The following ANKRD26 variants were observed in gnomAD, a reference collection of about 807,000 sequenced individuals.
ANKRD26 encodes the protein ankyrin repeat domain 26, also known as ankyrin repeat domain-containing protein 26.
A neutral mutation model predicts 208.7 loss-of-function variants in ANKRD26; 141 were observed. That is an observed-to-expected ratio of 0.68 (90% CI 0.59 to 0.78). The LOEUF is 0.78. Among genes scored for constraint, ANKRD26 ranks in the 30% least tolerant of loss-of-function variants. The pLI, the probability that ANKRD26 is intolerant of heterozygous loss-of-function variation, is 0.00. For synonymous variants in ANKRD26, 636 were observed against 660.4 expected, an observed-to-expected ratio of 0.96 and a Z score of 0.57; for missense variants, 1,889 against 1,938.7, an observed-to-expected ratio of 0.97 and a Z score of 0.48.
At chr10:27,063,541 G>A (rs998004152) in intron 12 of ANKRD26, among the ~76,000 whole-genome samples, 6 of 152,020 alleles carry the variant, frequency 3.9e-5, no homozygotes, top group Non-Finnish European at 7.4e-5. Flanking sequence ...GGCTGGTCTC[G>A]GACTCCTGAC....
chr10:26,978,409 T>C (rs577484804), intron 5 of ANKRD26, among the ~76,000 whole-genome samples: 1 of 152,094 alleles, frequency 6.6e-6, no homozygotes, highest in Admixed American at 6.5e-5. Context: ...TGAGCCAAGA[T>C]CATGCCACTG....
chr10:27,002,477 C>T (rs1001504380), downstream of ANKRD26, among the ~76,000 whole-genome samples: 3 of 152,108 alleles, frequency 2.0e-5, no homozygotes, highest in Non-Finnish European at 4.4e-5. Flanking sequence ...GATGTGCTGA[C>T]GTCATGACAT....
intron 23 of ANKRD26, among the ~76,000 whole-genome samples, chr10:27,036,397 T>TA (rs1195923774): frequency 6.6e-6 from 1 of 152,064 alleles, no homozygotes; most frequent in Non-Finnish European, 1.5e-5. Flanking sequence ...TGACTCTATT[T>TA]ATAGTGTTCT....
At chr10:27,024,650 T>C (rs2053600909) in intron 27 of ANKRD26, 91 bp from the exon 28 acceptor site, 2 of 711,948 alleles carry the variant, frequency 2.8e-6, no homozygotes, top group Non-Finnish European at 4.9e-6. Context: ...ATGAGTAACA[T>C]ATGTTTAGGC....
intron 18 of ANKRD26, 86 bp from the exon 19 acceptor site, chr10:27,044,276 C>T (rs745311996): frequency 8.5e-7 from 1 of 1,174,288 alleles, no homozygotes; most frequent in Non-Finnish European, 1.2e-6. Context: ...TAAATAAAAG[C>T]TCTGCATTTG....
At chr10:26,996,554 A>T (rs2134703650) in intron 4 of ANKRD26, among the ~76,000 whole-genome samples, 1 of 152,334 alleles carries the variant, frequency 6.6e-6, no homozygotes, top group African/African-American at 2.4e-5. Context: ...GCAAGACTCC[A>T]TCTCAAGAAA....
chr10:27,007,369 T>C (rs537109207), intron 32 of ANKRD26, among the ~76,000 whole-genome samples: 25 of 152,276 alleles, frequency 1.6e-4, no homozygotes, highest in Admixed American at 5.9e-4. Context: ...AAATAAACTT[T>C]CTGGTGGGGC....
chr10:27,063,840 A>G (rs751054930), intron 12 of ANKRD26, 148 bp downstream of exon 12: 7 of 698,720 alleles, frequency 1.0e-5, no homozygotes, highest in Non-Finnish European at 1.7e-5. Context: ...GACACCTAAG[A>G]TATACAACTT....
chr10:26,988,088 C>T (rs1564333720), downstream of ANKRD26, among the ~76,000 whole-genome samples: 1 of 152,076 alleles, frequency 6.6e-6, no homozygotes, highest in Non-Finnish European at 1.5e-5. Context: ...GCTGATTGTC[C>T]CTCTGGAGTA....
At chr10:27,078,767 T>C (rs1306465101) in intron 7 of ANKRD26, among the ~76,000 whole-genome samples, 1 of 152,110 alleles carries the variant, frequency 6.6e-6, no homozygotes, top group Non-Finnish European at 1.5e-5. Context: ...CATATAAACT[T>C]TGACCAAATT....
At chr10:26,995,286 G>A (rs151247003) in intron 4 of ANKRD26, 83 of 420,802 alleles carry the variant, frequency 2.0e-4, no homozygotes, top group African/African-American at 1.3e-3. Flanking sequence ...AAGAGAATGC[G>A]GTACACAAAC....
chr10:26,972,248 A>G (rs980986345), downstream of ANKRD26, among the ~76,000 whole-genome samples: 2 of 151,782 alleles, frequency 1.3e-5, no homozygotes, highest in Non-Finnish European at 2.9e-5. Flanking sequence ...AAAAAAAAAA[A>G]AAAGAAAATT....
At chr10:27,007,046 G>A (rs2052913037) in intron 32 of ANKRD26, 84 bp from the exon 33 acceptor site, 3 of 970,658 alleles carry the variant, frequency 3.1e-6, no homozygotes, top group Non-Finnish European at 3.3e-6. Context: ...TACAAAATGT[G>A]GCCTGTAATA....
chr10:27,021,527 C>A (rs1452792176), intron 29 of ANKRD26, among the ~76,000 whole-genome samples: 1 of 152,130 alleles, frequency 6.6e-6, no homozygotes, highest in Admixed American at 6.5e-5. Context: ...ATGTGCACTT[C>A]CCTGATGATT....
chr10:26,987,737 G>A (rs2052414353), downstream of ANKRD26, among the ~76,000 whole-genome samples: 1 of 152,158 alleles, frequency 6.6e-6, no homozygotes. Flanking sequence ...AATCTTCATA[G>A]AAAGTTAATC....
intron 11 of ANKRD26, among the ~76,000 whole-genome samples, chr10:27,065,264 G>C (rs1255833358): frequency 6.6e-6 from 1 of 152,112 alleles, no homozygotes; most frequent in African/African-American, 2.4e-5. Context: ...TGGTTTACTT[G>C]TTTTTCAGTT....
At chr10:27,005,885 T>C (rs1159941297) in intron 33 of ANKRD26, among the ~76,000 whole-genome samples, 162 bp from the exon 34 acceptor site, 1 of 152,218 alleles carries the variant, frequency 6.6e-6, no homozygotes, top group Admixed American at 6.5e-5. Flanking sequence ...AATTTGCCCA[T>C]GGTTGCACAC....
intron 20 of ANKRD26, 132 bp from the exon 21 acceptor site, chr10:27,040,310 C>G (rs1309747933): frequency 4.3e-6 from 3 of 699,722 alleles, no homozygotes; most frequent in Non-Finnish European, 7.3e-6. Context: ...AGACATTAAA[C>G]TAAGCTCTGA....
At position 27,061,247 on chromosome 10, in the gene ANKRD26, G is replaced by T; in HGVS notation, c.1364-5C>A. 16 of 1,548,784 alleles carry T rather than the reference G, an allele frequency of 1.0e-5. No individual in the cohort carries two copies. Among genetic ancestry groups the T allele is most frequent in the Non-Finnish European group, 1.4e-5 (16 of 1,122,944 alleles). ...AAGAAGGTATATAAAACACATCTAAGAAATAATACATAATAAGCTTTCAAT... is the reference window on the plus strand; with the variant it reads ...AAGAAGGTATATAAAACACATCTAATAAATAATACATAATAAGCTTTCAAT... On this transcript the variant is annotated splice_region_variant and splice_polypyrimidine_tract_variant and intron_variant, in intron 12 of 33. Transcript: ENST00000376087.
Sources: allele counts gnomAD v4.1 joint callset (sites outside exome capture counted in the v4.1 genomes callset), GRCh38; gene constraint gnomAD v4.1.1; transcripts MANE v1.5; gene names NCBI Gene and HGNC (gene_info 2026-07-23, HGNC 2026-07-21).